Variants in COL9A3 observed in about 807,000 individuals in gnomAD.
COL9A3 encodes collagen alpha-3(IX) chain.
Under a neutral mutation model 110.2 loss-of-function variants are expected in COL9A3, and 82 were observed. That is an observed-to-expected ratio of 0.74 (90% CI 0.62 to 0.89). COL9A3 has a LOEUF of 0.89. Ranked by LOEUF, COL9A3 falls within the 40% of genes least tolerant of loss-of-function variation. The pLI is 0.00. For missense variants in COL9A3, 1,066 were observed against 981.3 expected (o/e 1.09, Z -1.15); for synonymous variants, 494 against 403.8 (o/e 1.22, Z -2.68).
At position 62,821,366 on chromosome 20, in the gene COL9A3, T is replaced by C. The variant is rs567745240; in HGVS notation, c.346-141T>C. The C allele has an allele frequency of 1.5e-4, 201 of 1,352,458 alleles. 1 individual carries two copies. In the East Asian group the frequency reaches 2.8e-3, roughly 19 times the overall value. 83.8% of individuals were successfully genotyped at this position (1,352,458 alleles called of 1,614,324 possible). On this transcript the variant is annotated intron_variant, in intron 6 of 31. Transcript: ENST00000649368. Reference sequence around the variant, plus strand: ...GGAGGCTGGTGCCTGGATGGGGTCCTGGTGCCCTCTCTGGGCTGGGACCAG... The same window carrying C: ...GGAGGCTGGTGCCTGGATGGGGTCCCGGTGCCCTCTCTGGGCTGGGACCAG...
At chr20:62,835,018 G>A (rs549830603) in intron 26 of COL9A3, among the ~76,000 whole-genome samples, 1 of 152,272 alleles carries the variant, frequency 6.6e-6, no homozygotes. Context: ...ACTGTTGCTG[G>A]TGGGGTGAGG....
At chr20:62,820,574 C>A (rs1442105788) in intron 5 of COL9A3, among the ~76,000 whole-genome samples, 1 of 152,194 alleles carries the variant, frequency 6.6e-6, no homozygotes, top group African/African-American at 2.4e-5. Context: ...CCCTTGGGAC[C>A]CTTGGGAGCT....
rs1222718565 is a variant in COL9A3 at position 62,824,957 on chromosome 20, T to C, written c.577-11T>C. 6.2e-7 allele frequency: 1 copy of C among 1,607,766 alleles called. No homozygotes were observed. The highest frequency in any genetic ancestry group is 1.7e-5 in the Admixed American group (1 of 59,606). On this transcript the variant is annotated splice_polypyrimidine_tract_variant and intron_variant, in intron 11 of 31. Coordinates refer to ENST00000649368, the MANE Select transcript of COL9A3 (RefSeq NM_001853.4). The stretch of plus-strand genomic sequence containing the variant: ...GTCTGGGTGGGGCAGTGACCCCACA[T>C]TTGCTTGCAGGGACCCACTGGCTAC...
At chr20:62,836,132 G>C (rs938823002) in intron 27 of COL9A3, 55 bp from the exon 28 acceptor site, 2 of 1,605,348 alleles carry the variant, frequency 1.2e-6, no homozygotes, top group African/African-American at 1.3e-5. Context: ...GCACGTCGGG[G>C]TGGCTCTGGG....
intron 13 of COL9A3, 69 bp downstream of exon 13, chr20:62,825,939 T>TA: frequency 6.7e-7 from 1 of 1,488,440 alleles, no homozygotes; most frequent in Non-Finnish European, 9.1e-7. Context: ...GCCCTGCACA[T>TA]ATCTACCCCC....
intron 11 of COL9A3, 109 bp from the exon 12 acceptor site, chr20:62,824,859 C>A: frequency 8.4e-7 from 1 of 1,189,524 alleles, no homozygotes; most frequent in Non-Finnish European, 1.2e-6. Context: ...CTGTGCGCTG[C>A]CGTGTGGCGG....
chr20:62,827,303 G>A lies in COL9A3; in HGVS notation c.846+9G>A, dbSNP rs2063562098. ...GCCCCAAGGGTGACCTCGTAAGTGA[G>A]AGGGAAGTTGGTTCCCTGGGTCCTT... On this transcript the variant is annotated intron_variant, in intron 16 of 31. Coordinates refer to ENST00000649368, the MANE Select transcript of COL9A3 (RefSeq NM_001853.4). 6.2e-7 allele frequency: 1 copy of A among 1,612,946 alleles called. No homozygotes were observed. The highest frequency in any genetic ancestry group is 8.5e-7 in the Non-Finnish European group (1 of 1,179,904).
At position 62,818,460 on chromosome 20, in the gene COL9A3, C is replaced by T. The variant is rs536836788; in HGVS notation, c.148-58C>T. 39 of 1,514,820 alleles carry T rather than the reference C, an allele frequency of 2.6e-5. 1 individual carries two copies. Among genetic ancestry groups the T allele is most frequent in the Admixed American group, 5.0e-5 (3 of 59,904 alleles). 93.8% of individuals were successfully genotyped at this position (1,514,820 alleles called of 1,614,324 possible). On this transcript the variant is annotated intron_variant, in intron 2 of 31. Coordinates refer to ENST00000649368, the MANE Select transcript of COL9A3 (RefSeq NM_001853.4). Reference sequence around the variant, plus strand: ...GCCAGCGCTGCTCTTTTCCCCGAGGCGGGGTTCTTGAGGGACCCCTGATTT... The same window carrying T: ...GCCAGCGCTGCTCTTTTCCCCGAGGTGGGGTTCTTGAGGGACCCCTGATTT...
At chr20:62,837,389 C>G (rs2063645366) in intron 30 of COL9A3, 124 bp downstream of exon 30, 3 of 1,046,202 alleles carry the variant, frequency 2.9e-6, no homozygotes, top group South Asian at 2.7e-5. Flanking sequence ...ACGTGGGGGC[C>G]TCTCATGTTT....
intron 14 of COL9A3, 63 bp from the exon 15 acceptor site, chr20:62,826,704 C>T: frequency 1.3e-6 from 2 of 1,580,778 alleles, no homozygotes; most frequent in Admixed American, 3.4e-5. Flanking sequence ...CCTGAGGGAG[C>T]ACTGGGGGGA....
At position 62,822,124 on chromosome 20, in the gene COL9A3, TC is replaced by T; in HGVS notation, c.441del (p.Gly148AlafsTer385). The T allele has an allele frequency of 2.5e-6, 4 of 1,580,858 alleles. No homozygotes were observed. Among genetic ancestry groups the T allele is most frequent in the Non-Finnish European group, 3.5e-6 (4 of 1,150,868 alleles). On this transcript the variant is annotated frameshift_variant, in exon 9 of 32. Transcript: ENST00000649368. LOFTEE classifies it high-confidence loss of function. ...GLRGPPGPSG[L>X]PGLPGPPGPP... The stretch of plus-strand genomic sequence containing the variant: ...CCCCCTCCCCAGGGACCTTCTGGAC[TC>T]CCCGGCCTCCCTGGTCCCCCAGGAC...
At chr20:62,819,150 TG>T in intron 3 of COL9A3, 71 bp from the exon 4 acceptor site, 2 of 1,443,794 alleles carry the variant, frequency 1.4e-6, no homozygotes, top group African/African-American at 2.8e-5. Flanking sequence ...GAAAGCATTT[TG>T]CTTCATTGCT....
chr20:62,821,375 C>G, intron 6 of COL9A3, 132 bp from the exon 7 acceptor site: 2 of 1,395,106 alleles, frequency 1.4e-6, no homozygotes, highest in African/African-American at 2.8e-5. Context: ...CTGGTGCCCT[C>G]TCTGGGCTGG....
At position 62,826,753 on chromosome 20, in the gene COL9A3, T is replaced by C; in HGVS notation, c.739-14T>C. The C allele has an allele frequency of 6.2e-7, 1 of 1,612,430 alleles. No homozygotes were observed. Among genetic ancestry groups the C allele is most frequent in the Non-Finnish European group, 8.5e-7 (1 of 1,179,784 alleles). On this transcript the variant is annotated splice_polypyrimidine_tract_variant and intron_variant, in intron 14 of 31. Transcript: ENST00000649368. ...TCAGACAAGAGGACCCCGGATCCCC[T>C]CTCTCCTCTGCAGGGTCCCATTGGG...
intron 25 of COL9A3, 146 bp from the exon 26 acceptor site, chr20:62,832,874 A>G (rs1356166677): frequency 1.8e-5 from 12 of 678,972 alleles, no homozygotes; most frequent in South Asian, 1.4e-4. Flanking sequence ...GGAGCGGGTT[A>G]AAAGGCAGCC....
At chr20:62,823,771 C>T (rs1408101772) in intron 10 of COL9A3, among the ~76,000 whole-genome samples, 1 of 152,258 alleles carries the variant, frequency 6.6e-6, no homozygotes, top group Admixed American at 6.5e-5. Flanking sequence ...CCATGCCGAG[C>T]ACATTCCTGT....
intron 31 of COL9A3, among the ~76,000 whole-genome samples, chr20:62,840,057 C>T (rs1023686880): frequency 2.0e-5 from 3 of 151,662 alleles, no homozygotes; most frequent in African/African-American, 7.3e-5. Context: ...CATGCCCGCA[C>T]CATGCCCACA....
intron 26 of COL9A3, among the ~76,000 whole-genome samples, chr20:62,833,938 GAC>G (rs1301090470): frequency 9.9e-5 from 15 of 151,876 alleles, no homozygotes; most frequent in Admixed American, 5.2e-4. Context: ...GGAGTGCAGT[GAC>G]GCCATCTCGG....
intron 26 of COL9A3, 134 bp from the exon 27 acceptor site, chr20:62,835,787 G>A: frequency 1.1e-6 from 1 of 893,760 alleles, no homozygotes; most frequent in Non-Finnish European, 1.9e-6. Flanking sequence ...AAGAACGGAA[G>A]GAACCACTGT....
Sources: allele counts gnomAD v4.1 joint callset (sites outside exome capture counted in the v4.1 genomes callset), GRCh38; gene constraint gnomAD v4.1.1; transcripts MANE v1.5; gene names NCBI Gene and HGNC (gene_info 2026-07-23, HGNC 2026-07-21).